CPED1: variants seen among roughly 807,000 people sequenced by gnomAD.
CPED1 encodes cadherin-like and PC-esterase domain-containing protein 1.
CPED1 carries 114 observed loss-of-function variants against 128.2 expected under a neutral mutation model. The observed-to-expected ratio is 0.89, with a 90% CI of 0.76 to 1.04. CPED1 has a LOEUF of 1.04. Ranked by LOEUF, CPED1 falls within the 50% of genes least tolerant of loss-of-function variation. CPED1 has a pLI of 0.00. For missense variants in CPED1, 1,211 were observed against 1,207.1 expected, an observed-to-expected ratio of 1.00 and a Z score of -0.05; for synonymous variants, 462 against 426.7, an observed-to-expected ratio of 1.08 and a Z score of -1.02.
In CPED1 at chr7:121,102,110, AT is replaced by A. The variant is rs570248518; in HGVS notation, c.918+2022del. On this transcript the variant is annotated intron_variant, in intron 7 of 22. Transcript: ENST00000310396. ...ATGTATATTTTTATTTACTTCTGAT[AT>A]TTTTTACCATATTTCCTCTTTGTTC... 3.0e-3 allele frequency among the ~76,000 whole-genome samples: 458 copies of A among 151,948 alleles called. 3 individuals carry two copies. Among genetic ancestry groups the A allele is most frequent in the African/African-American group, 0.01 (433 of 41,446 alleles).
intron 16 of CPED1, among the ~76,000 whole-genome samples, chr7:121,211,956 C>T (rs895399292): frequency 2.6e-5 from 4 of 152,010 alleles, no homozygotes; most frequent in Non-Finnish European, 1.5e-5. Context: ...TATATCTTGA[C>T]ATTTCTTCAC....
At chr7:121,232,673 A>G (rs1458722142) in intron 16 of CPED1, among the ~76,000 whole-genome samples, 1 of 152,144 alleles carries the variant, frequency 6.6e-6, no homozygotes, top group African/African-American at 2.4e-5. Flanking sequence ...TGGCCATGCC[A>G]GAATCATCAC....
chr7:121,066,143 A>G (rs572505153), intron 5 of CPED1, among the ~76,000 whole-genome samples: 1 of 152,268 alleles, frequency 6.6e-6, no homozygotes, highest in East Asian at 1.9e-4. Flanking sequence ...ATGATTATAA[A>G]GGTGTAATAG....
At chr7:121,225,037 G>A (rs1797970414) in intron 16 of CPED1, among the ~76,000 whole-genome samples, 1 of 151,956 alleles carries the variant, frequency 6.6e-6, no homozygotes, top group Admixed American at 6.6e-5. Context: ...TGGTTATTTT[G>A]CCTGTTAATT....
intron 16 of CPED1, among the ~76,000 whole-genome samples, chr7:121,200,087 T>C (rs989364691): frequency 2.6e-5 from 4 of 152,092 alleles, no homozygotes; most frequent in African/African-American, 4.8e-5. Context: ...ATTCTGGGTA[T>C]TTAAAAAGCC....
In CPED1 at chr7:121,096,577, G is replaced by A. The variant is rs117464654; in HGVS notation, c.617-1122G>A. 6.0e-3 allele frequency among the ~76,000 whole-genome samples: 906 copies of A among 152,086 alleles called. 9 individuals carry two copies. Among genetic ancestry groups the A allele is most frequent in the Non-Finnish European group, 8.3e-3 (564 of 67,968 alleles). ...CAATTACACATACCAATACAAATCCGCCACTAGACAAACTTGTAAAAGTAC... is the reference window on the plus strand; with the variant it reads ...CAATTACACATACCAATACAAATCCACCACTAGACAAACTTGTAAAAGTAC... On this transcript the variant is annotated intron_variant, in intron 5 of 22. Transcript: ENST00000310396.
At chr7:121,104,187 TAATA>T (rs1049485342) in intron 7 of CPED1, among the ~76,000 whole-genome samples, 24 of 152,256 alleles carry the variant, frequency 1.6e-4, no homozygotes, top group Middle Eastern at 3.4e-3. Flanking sequence ...TTGATGAGTA[TAATA>T]AATCTAATTT....
intron 7 of CPED1, among the ~76,000 whole-genome samples, chr7:121,110,217 C>A (rs143224436): frequency 6.6e-6 from 1 of 152,050 alleles, no homozygotes; most frequent in Non-Finnish European, 1.5e-5. Context: ...AAGTATTTAC[C>A]GGCTACCTCT....
At chr7:121,212,726 T>C (rs138500403) in intron 16 of CPED1, among the ~76,000 whole-genome samples, 2,039 of 152,128 alleles carry the variant, frequency 0.013, 47 homozygotes, top group African/African-American at 0.045. Context: ...TCATAAACTG[T>C]AAACTTCTTT....
intron 16 of CPED1, among the ~76,000 whole-genome samples, chr7:121,233,352 A>G (rs145684746): frequency 6.6e-6 from 1 of 152,172 alleles, no homozygotes; most frequent in Non-Finnish European, 1.5e-5. Flanking sequence ...TTCTGTGTCT[A>G]TAGATCTGTG....
intron 3 of CPED1, among the ~76,000 whole-genome samples, 154 bp from the exon 4 acceptor site, chr7:121,046,733 G>A (rs1011499587): frequency 2.0e-5 from 3 of 151,994 alleles, no homozygotes; most frequent in African/African-American, 7.2e-5. Context: ...TTGAATTTTA[G>A]TTATTTTACT....
At chr7:121,007,824 A>T (rs1410476484) in intron 2 of CPED1, among the ~76,000 whole-genome samples, 2 of 152,040 alleles carry the variant, frequency 1.3e-5, no homozygotes, top group Non-Finnish European at 2.9e-5. Flanking sequence ...TTCTACACCA[A>T]ATCAGGCTCC....
At chr7:121,201,855 C>A (rs186957569) in intron 16 of CPED1, among the ~76,000 whole-genome samples, 2 of 152,034 alleles carry the variant, frequency 1.3e-5, no homozygotes, top group Non-Finnish European at 2.9e-5. Flanking sequence ...AGCCTGAACA[C>A]GAAAGAAGAG....
intron 3 of CPED1, among the ~76,000 whole-genome samples, chr7:121,039,832 C>T (rs112295808): frequency 5.3e-5 from 8 of 151,986 alleles, no homozygotes; most frequent in South Asian, 4.1e-4. Flanking sequence ...TTTCCTTTTA[C>T]ACTTTTTTAA....
intron 5 of CPED1, among the ~76,000 whole-genome samples, chr7:121,072,227 G>A (rs1274175838): frequency 1.3e-5 from 2 of 149,190 alleles, no homozygotes; most frequent in African/African-American, 2.5e-5. Context: ...ACAGTGTGCT[G>A]TTCCCTCCCC....
intron 22 of CPED1, 95 bp downstream of exon 22, chr7:121,271,525 A>G: frequency 8.0e-7 from 1 of 1,252,642 alleles, no homozygotes; most frequent in Non-Finnish European, 1.1e-6. Context: ...TTTGCATGAA[A>G]CAAAAAACAA....
At chr7:121,052,732 G>A (rs1405875437) in intron 4 of CPED1, among the ~76,000 whole-genome samples, 1 of 152,074 alleles carries the variant, frequency 6.6e-6, no homozygotes, top group Non-Finnish European at 1.5e-5. Context: ...AATTTTTATT[G>A]TTTTTGGGAG....
At chr7:121,227,162 G>A (rs964398337) in intron 16 of CPED1, among the ~76,000 whole-genome samples, 6 of 152,132 alleles carry the variant, frequency 3.9e-5, no homozygotes, top group African/African-American at 1.2e-4. Flanking sequence ...GGAACCCAGC[G>A]TTGGCCATAT....
intron 20 of CPED1, among the ~76,000 whole-genome samples, 159 bp from the exon 21 acceptor site, chr7:121,267,056 A>C (rs1457141525): frequency 6.6e-6 from 1 of 152,098 alleles, no homozygotes; most frequent in East Asian, 1.9e-4. Context: ...CTATCTTAAA[A>C]AAACCGTATT....
Sources: gnomAD v4.1 joint callset for allele counts (sites outside exome capture counted in the v4.1 genomes callset) on GRCh38, gnomAD v4.1.1 for gene constraint, MANE v1.5 for transcripts, NCBI Gene and HGNC (gene_info 2026-07-23, HGNC 2026-07-21) for gene names.